TET2: variants seen among roughly 807,000 people sequenced by gnomAD.
TET2 encodes the protein methylcytosine dioxygenase TET2.
A neutral mutation model predicts 142.9 loss-of-function variants in TET2; 299 were observed. That is an observed-to-expected ratio of 2.09 (90% confidence interval 1.90 to 2.30). TET2 has a LOEUF of 2.30. Ranked by LOEUF, TET2 falls within the 30% of genes most tolerant of loss-of-function variation. The probability of loss-of-function intolerance (pLI) is 0.00; values close to 1 mark genes in which losing one functional copy is unlikely to be tolerated. For synonymous variants in TET2, 819 were observed against 849.0 expected (o/e 0.96, Z 0.61); for missense variants, 2,418 against 2,378.0 (o/e 1.02, Z -0.35).
At chr4:105,154,848 A>G (rs1260229301) in intron 1 of TET2, among the ~76,000 whole-genome samples, 1 of 151,984 alleles carries the variant, frequency 6.6e-6, no homozygotes, top group African/African-American at 2.4e-5. Context: ...AACATGGCAA[A>G]ACCCCATCCC....
At position 105,259,872 on chromosome 4, in the gene TET2, C is replaced by T. The variant is rs1392972571; in HGVS notation, c.3954+103C>T. 3.4e-6 allele frequency: 4 copies of T among 1,175,088 alleles called. No individual in the cohort carries two copies. The African/African-American group carries it at 6.3e-5, about 18-fold the overall frequency. 72.8% of individuals were successfully genotyped at this position (1,175,088 alleles called of 1,614,324 possible). A position where few individuals can be genotyped will look rare whatever the true frequency, so the allele number is the denominator to read the frequency against. On this transcript the variant is annotated intron_variant, in intron 7 of 10. Transcript: ENST00000380013. ...CATATCTTGGTAAGCTCTTATTAAT[C>T]AAAGTTTTTCCCAAACTGTAGATAC...
Position 105,236,198 on chromosome 4 carries a change from T to TAA in TET2, c.2258_2259dup (p.Glu754LysfsTer60). 1 of 1,613,840 alleles carries TAA rather than the reference T, an allele frequency of 6.2e-7. No homozygotes were observed. ...AGCAGCAAAAATTACAAATAAAGAA[T>TAA]AAAGAGGAAATACTCCAGACTTTTC... On this transcript the variant is annotated frameshift_variant, in exon 3 of 11. Transcript: ENST00000380013. LOFTEE classifies it high-confidence loss of function.
At chr4:105,216,147 C>T (rs1226092997) in intron 2 of TET2, among the ~76,000 whole-genome samples, 1 of 152,054 alleles carries the variant, frequency 6.6e-6, no homozygotes, top group Non-Finnish European at 1.5e-5. Flanking sequence ...AGCTAGTATA[C>T]TTGGAGTTTG....
Position 105,272,856 on chromosome 4 carries a change from A to C in TET2, c.4475A>C (p.Glu1492Ala). ...AACAGCTCAAATAAAAATGAAAAGG[A>C]AAAGTCAGCCCCATCACGTACAAAA... ...LENSSNKNEK[E>A]KSAPSRTKQT... Residue 1492 changes from glutamate (E) to alanine (A), a missense_variant, in exon 10 of 11, where the codon GAA becomes GCA. Transcript: ENST00000380013. 6.4e-7 allele frequency: 1 copy of C among 1,551,164 alleles called. No individual in the cohort carries two copies. The highest frequency in any genetic ancestry group is 8.7e-7 in the Non-Finnish European group (1 of 1,146,868).
At chr4:105,219,653 G>GT (rs767727207) in intron 2 of TET2, among the ~76,000 whole-genome samples, 11 of 151,940 alleles carry the variant, frequency 7.2e-5, no homozygotes, top group South Asian at 4.1e-4. Context: ...TTGTTTGTTT[G>GT]TTTTTTGTTT....
chr4:105,210,258 A>G (rs1355207691), intron 2 of TET2, among the ~76,000 whole-genome samples: 5 of 152,178 alleles, frequency 3.3e-5, no homozygotes, highest in Non-Finnish European at 7.4e-5. Flanking sequence ...ACTTGAGTTC[A>G]TGGGAATAAA....
chr4:105,170,435 A>G lies in TET2; in HGVS notation c.-192-19925A>G, dbSNP rs144477232. Among the ~76,000 whole-genome samples the G allele has an allele frequency of 2.2e-3, 336 of 152,240 alleles. 3 individuals carry two copies. The highest frequency in any genetic ancestry group is 7.7e-3 in the African/African-American group (318 of 41,550). ...CAAAAGTTTGGGGTTGTAGTGCACTATGATTGTGCCTGTGAATAGCTGCTG... is the reference window on the plus strand; with the variant it reads ...CAAAAGTTTGGGGTTGTAGTGCACTGTGATTGTGCCTGTGAATAGCTGCTG... On this transcript the variant is annotated intron_variant, in intron 1 of 10. Transcript: ENST00000380013.
chr4:105,167,404 A>G (rs1429130176), intron 1 of TET2, among the ~76,000 whole-genome samples: 2 of 152,064 alleles, frequency 1.3e-5, no homozygotes, highest in Non-Finnish European at 2.9e-5. Flanking sequence ...ATGTGTACAC[A>G]TATGCTACAT....
rs375859408 is a variant in TET2, at chr4:105,269,646, G to A, written c.4081G>A (p.Gly1361Ser). 2 of 1,551,478 alleles carry A rather than the reference G, an allele frequency of 1.3e-6. No homozygotes were observed. Among genetic ancestry groups the A allele is most frequent in the Non-Finnish European group, 8.7e-7 (1 of 1,146,894 alleles). Reference sequence around the variant, plus strand: ...ACACAGAGCACCAGAGTGCCGTCTGGGTCTGAAGGAAGGCCGTCCATTCTC... The same window carrying A: ...ACACAGAGCACCAGAGTGCCGTCTGAGTCTGAAGGAAGGCCGTCCATTCTC... ...YEHRAPECRL[G>S]LKEGRPFSGV... The change falls in exon 9 of 11, where the codon GGT becomes AGT. Residue 1361 changes from glycine to serine, a missense_variant. Physicochemically the swap from Gly to Ser is moderately conservative, Grantham distance 56. Transcript: ENST00000380013.
At chr4:105,204,209 A>C (rs897455773) in intron 2 of TET2, among the ~76,000 whole-genome samples, 3 of 141,238 alleles carry the variant, frequency 2.1e-5, no homozygotes, top group Non-Finnish European at 4.6e-5. Context: ...AAAAACAAAA[A>C]CAAACCAAAA....
chr4:105,273,714 G>C lies in TET2; in HGVS notation c.4537+796G>C, dbSNP rs575530818. On this transcript the variant is annotated intron_variant, in intron 10 of 10. Transcript: ENST00000380013. ...TAAGTTTGAAAATATGATTGAGAGA[G>C]AGAGAGGGGAGAATGAAACATTTTT... 3.3e-5 allele frequency among the ~76,000 whole-genome samples: 5 copies of C among 152,254 alleles called. No individual in the cohort carries two copies. In the East Asian group the frequency reaches 7.7e-4, roughly 23 times the overall value.
At chr4:105,213,870 G>A (rs1391541131) in intron 2 of TET2, among the ~76,000 whole-genome samples, 2 of 152,042 alleles carry the variant, frequency 1.3e-5, no homozygotes, top group Non-Finnish European at 2.9e-5. Context: ...GTTGAGCTAC[G>A]TTTTTTTAAG....
intron 2 of TET2, among the ~76,000 whole-genome samples, chr4:105,213,437 C>T (rs927154798): frequency 4.6e-5 from 7 of 152,168 alleles, no homozygotes; most frequent in African/African-American, 1.4e-4. Context: ...TTGTAATGAT[C>T]GTCAAAAGTA....
intron 8 of TET2, among the ~76,000 whole-genome samples, chr4:105,267,211 C>T (rs1458752467): frequency 6.6e-6 from 1 of 151,758 alleles, no homozygotes; most frequent in Non-Finnish European, 1.5e-5. Flanking sequence ...TGAAAGAATT[C>T]ACCACCAACA....
At chr4:105,233,763 A>C (rs970986456) in intron 2 of TET2, 134 bp from the exon 3 acceptor site, 1 of 543,104 alleles carries the variant, frequency 1.8e-6, no homozygotes, top group Admixed American at 3.7e-5. Flanking sequence ...ATGAAAATAA[A>C]TATCAGTTTG....
intron 2 of TET2, among the ~76,000 whole-genome samples, chr4:105,222,404 A>T (rs1452711936): frequency 6.6e-6 from 1 of 152,208 alleles, no homozygotes; most frequent in Non-Finnish European, 1.5e-5. Flanking sequence ...AATGATCGCC[A>T]TTCTAACTGG....
At chr4:105,259,128 A>G (rs188971792) in intron 6 of TET2, among the ~76,000 whole-genome samples, 4 of 152,280 alleles carry the variant, frequency 2.6e-5, no homozygotes, top group East Asian at 1.9e-4. Flanking sequence ...GCACACACCT[A>G]TAGTTCCAGC....
intron 6 of TET2, among the ~76,000 whole-genome samples, chr4:105,254,445 C>T (rs372982642): frequency 3.9e-5 from 6 of 152,154 alleles, no homozygotes; most frequent in Admixed American, 1.3e-4. Flanking sequence ...GGGTCTCACT[C>T]TGGTTGCCCA....
At chr4:105,273,033 G>A (rs774383844) in intron 10 of TET2, 115 bp downstream of exon 10, 2 of 766,522 alleles carry the variant, frequency 2.6e-6, no homozygotes, top group African/African-American at 1.8e-5. Flanking sequence ...CATGCAGGAT[G>A]TGCAGGTTTG....
Sources: gnomAD v4.1 joint callset for allele counts (sites outside exome capture counted in the v4.1 genomes callset) on GRCh38, gnomAD v4.1.1 for gene constraint, MANE v1.5 for transcripts, NCBI Gene and HGNC (gene_info 2026-07-23, HGNC 2026-07-21) for gene names.